Variants in EEA1 observed in about 807,000 individuals in gnomAD.
EEA1 encodes early endosome antigen 1, 162kD.
In EEA1, 111 loss-of-function variants were observed where a neutral mutation model predicts 209.2. That is an observed-to-expected ratio of 0.53 (90% CI 0.45 to 0.62). The LOEUF (loss-of-function observed/expected upper bound fraction) is 0.62. Ranked by LOEUF, EEA1 falls within the 20% of genes least tolerant of loss-of-function variation. EEA1 has a pLI of 0.00. For synonymous variants in EEA1, 536 were observed against 540.6 expected (o/e 0.99, Z 0.12); for missense variants, 1,343 against 1,530.8 (o/e 0.88, Z 2.05).
intron 1 of EEA1, among the ~76,000 whole-genome samples, chr12:92,910,197 C>T (rs943490105): frequency 1.7e-4 from 25 of 150,226 alleles, no homozygotes; most frequent in African/African-American, 3.9e-4. Context: ...CAAGGTCAGG[C>T]GCGGTGGCTC....
intron 2 of EEA1, among the ~76,000 whole-genome samples, chr12:92,868,588 T>C (rs1878501195): frequency 6.6e-6 from 1 of 152,160 alleles, no homozygotes. Flanking sequence ...TTCCAAAAAT[T>C]ACCAGATTAA....
chr12:92,884,382 G>A (rs1879291983), intron 2 of EEA1: 1 of 1,237,858 alleles, frequency 8.1e-7, no homozygotes, highest in East Asian at 2.3e-5. Context: ...TTTGGCGGTG[G>A]TCGTGGAGGT....
At chr12:92,782,484 A>C (rs1447600373) in intron 22 of EEA1, among the ~76,000 whole-genome samples, 1 of 152,212 alleles carries the variant, frequency 6.6e-6, no homozygotes, top group African/African-American at 2.4e-5. Flanking sequence ...TATCAGATAC[A>C]CTCAGAGAAC....
At chr12:92,785,819 T>C (rs1431269627) in intron 22 of EEA1, among the ~76,000 whole-genome samples, 1 of 152,162 alleles carries the variant, frequency 6.6e-6, no homozygotes, top group African/African-American at 2.4e-5. Flanking sequence ...TTAACAGTTG[T>C]AAAACTCTAT....
chr12:92,850,877 T>G (rs528260437), intron 9 of EEA1, among the ~76,000 whole-genome samples: 2 of 152,168 alleles, frequency 1.3e-5, no homozygotes, highest in East Asian at 3.9e-4. Flanking sequence ...CAACAATATA[T>G]ATATTAAACA....
At chr12:92,792,401 A>G (rs886855283) in intron 21 of EEA1, among the ~76,000 whole-genome samples, 1 of 152,182 alleles carries the variant, frequency 6.6e-6, no homozygotes, top group Non-Finnish European at 1.5e-5. Context: ...AAAGAAGAAA[A>G]GAGAGAAGAA....
Position 92,853,003 on chromosome 12 carries a change from T to A in EEA1, c.429A>T (p.Gln143His). 1 of 1,609,868 alleles carries A rather than the reference T, an allele frequency of 6.2e-7. No homozygotes were observed. The highest frequency in any genetic ancestry group is 8.5e-7 in the Non-Finnish European group (1 of 1,177,816). Residue 143 changes from glutamine to histidine, a missense_variant, in exon 7 of 29, where the codon CAA becomes CAT. Around this residue, in one of 3 missense-constraint regions of EEA1, gnomAD observed 1,307 missense variants for 1,465.5 expected, o/e 0.89. Coordinates refer to ENST00000322349, the MANE Select transcript of EEA1 (RefSeq NM_003566.4). ...AATTTTCTGTTTGGGCTTCTTCTAA[T>A]TGCTGTTCCAAAGACTGTAGTTCTA... ...SSAELQSLEQ[Q>H]LEEAQTENFN...
rs776271335 is a variant in EEA1, at chr12:92,816,404, T to G, written c.1729-4A>C. On this transcript the variant is annotated splice_polypyrimidine_tract_variant and splice_region_variant and intron_variant, in intron 14 of 28. Transcript: ENST00000322349. ...GCTTCTCTGTTAGTTGAGTTACCTG[T>G]TATACAAGTAAGACTAATCGTGAAG... 1 of 1,613,242 alleles carries G rather than the reference T, an allele frequency of 6.2e-7. No individual in the cohort carries two copies. The highest frequency in any genetic ancestry group is 1.1e-5 in the South Asian group (1 of 90,992).
chr12:92,802,290 C>T, intron 19 of EEA1, 114 bp downstream of exon 19: 1 of 994,546 alleles, frequency 1.0e-6, no homozygotes, highest in South Asian at 1.9e-5. Context: ...ATAAGAACTA[C>T]TTTAAACTAT....
intron 1 of EEA1, 118 bp downstream of exon 1, chr12:92,928,925 C>A: frequency 1.8e-6 from 2 of 1,116,516 alleles, no homozygotes; most frequent in Non-Finnish European, 2.5e-6. Flanking sequence ...AAGCGCCTGC[C>A]GGGCTGTGGG....
At chr12:92,815,783 T>C (rs796475625) in intron 15 of EEA1, among the ~76,000 whole-genome samples, 64 of 152,216 alleles carry the variant, frequency 4.2e-4, no homozygotes, top group African/African-American at 1.5e-3. Flanking sequence ...ATATTTAGCA[T>C]AGAAATCTAA....
At chr12:92,876,197 C>T (rs776253070) in intron 2 of EEA1, among the ~76,000 whole-genome samples, 21 of 152,102 alleles carry the variant, frequency 1.4e-4, no homozygotes, top group African/African-American at 1.9e-4. Context: ...CTTAGCCTCC[C>T]GAGTAGCTGA....
Position 92,802,578 on chromosome 12 carries a change from G to A in EEA1, c.2496C>T (p.Asn832=), listed in dbSNP as rs1171209296. The A allele has an allele frequency of 6.2e-7, 1 of 1,600,012 alleles. No individual in the cohort carries two copies. The highest frequency in any genetic ancestry group is 8.5e-7 in the Non-Finnish European group (1 of 1,175,854). Residue 832 remains asparagine, a synonymous_variant, in exon 19 of 29, where the codon AAC becomes AAT. Coordinates refer to ENST00000322349, the MANE Select transcript of EEA1 (RefSeq NM_003566.4). ...ETKIQHEELN[N]RIQTTVTELQ... The stretch of plus-strand genomic sequence containing the variant: ...GTTCTGTTACTGTTGTTTGAATTCT[G>A]TTATTCAATTCCTCATGCTGAATCT...
At chr12:92,818,225 G>A (rs1428201893) in intron 14 of EEA1, among the ~76,000 whole-genome samples, 4 of 151,892 alleles carry the variant, frequency 2.6e-5, no homozygotes, top group East Asian at 1.9e-4. Context: ...TCACATCCTC[G>A]GTTCAATAAG....
intron 21 of EEA1, among the ~76,000 whole-genome samples, chr12:92,788,379 C>T (rs920083826): frequency 6.6e-5 from 10 of 150,710 alleles, no homozygotes; most frequent in African/African-American, 2.0e-4. Context: ...CCTCAGCTGA[C>T]GTAATTTAAG....
At chr12:92,888,622 G>T (rs993879067) in intron 2 of EEA1, among the ~76,000 whole-genome samples, 3 of 150,154 alleles carry the variant, frequency 2.0e-5, no homozygotes, top group African/African-American at 2.4e-5. Flanking sequence ...GAAAACAATT[G>T]TAAGTGGAAG....
chr12:92,872,349 G>A (rs963407688), intron 2 of EEA1, among the ~76,000 whole-genome samples: 21 of 152,036 alleles, frequency 1.4e-4, no homozygotes, highest in African/African-American at 4.6e-4. Flanking sequence ...ACGCCCAGCC[G>A]AGATCAAGAA....
chr12:92,911,979 G>A (rs940728018), intron 1 of EEA1, among the ~76,000 whole-genome samples: 2 of 152,200 alleles, frequency 1.3e-5, no homozygotes, highest in African/African-American at 4.8e-5. Flanking sequence ...AGTATGCACT[G>A]AAATTTGGGA....
Position 92,857,289 on chromosome 12 carries a change from C to G in EEA1, c.352G>C (p.Gly118Arg). 1 of 1,587,408 alleles carries G rather than the reference C, an allele frequency of 6.3e-7. No individual in the cohort carries two copies. Among genetic ancestry groups the G allele is most frequent in the Non-Finnish European group, 8.5e-7 (1 of 1,170,176 alleles). ...ELKKELEKYQ[G>R]LQQQEAKPDG... ...AAAGCAATTACTTGCTGCTGCAGCC[C>G]TTGATATTTTTCTAATTCCTTCTTT... Residue 118 changes from glycine to arginine, a missense_variant, in exon 5 of 29, where the codon GGG becomes CGG. Gly to Arg is a moderately radical substitution (Grantham distance 125). Around this residue, in one of 3 missense-constraint regions of EEA1, gnomAD observed 1,307 missense variants for 1,465.5 expected, o/e 0.89. Coordinates refer to ENST00000322349, the MANE Select transcript of EEA1 (RefSeq NM_003566.4).
Sources: allele counts gnomAD v4.1 joint callset (sites outside exome capture counted in the v4.1 genomes callset), GRCh38; gene constraint gnomAD v4.1.1; regional missense constraint gnomAD v4.1.1; transcripts MANE v1.5; gene names NCBI Gene and HGNC (gene_info 2026-07-23, HGNC 2026-07-21).